HNRNPL: variants seen among roughly 807,000 people sequenced by gnomAD.
HNRNPL encodes the protein heterogeneous nuclear ribonucleoprotein L.
A neutral mutation model predicts 64.0 loss-of-function variants in HNRNPL; 12 were observed. The ratio of observed to expected loss-of-function variants is 0.19; its 90% confidence interval spans 0.12 to 0.30. HNRNPL has a LOEUF of 0.30. Ranked by LOEUF, HNRNPL falls within the 10% of genes least tolerant of loss-of-function variation. The pLI is 1.00. For missense variants in HNRNPL, 484 were observed against 797.4 expected, an observed-to-expected ratio of 0.61 and a Z score of 4.73; for synonymous variants, 385 against 313.0, an observed-to-expected ratio of 1.23 and a Z score of -2.43.
intron 6 of HNRNPL, chr19:38,842,473 CTT>C (rs1237815282): frequency 2.0e-5 from 3 of 152,310 alleles, no homozygotes; most frequent in Non-Finnish European, 2.9e-5. Context: ...TGTTGCGTCT[CTT>C]TCTCTCTTTG....
chr19:38,844,448 G>GA (rs1972219220), intron 4 of HNRNPL, among the ~76,000 whole-genome samples: 1 of 152,090 alleles, frequency 6.6e-6, no homozygotes, highest in Admixed American at 6.6e-5. Flanking sequence ...GCTCTGCCCT[G>GA]AAAGTCCATC....
chr19:38,843,678 C>A, intron 6 of HNRNPL, 164 bp downstream of exon 6: 1 of 626,562 alleles, frequency 1.6e-6, no homozygotes, highest in Non-Finnish European at 2.9e-6. Context: ...GGAGGCCTCT[C>A]ACTCCCCCAT....
intron 1 of HNRNPL, among the ~76,000 whole-genome samples, chr19:38,848,944 G>A (rs1972399348): frequency 6.6e-6 from 1 of 152,192 alleles, no homozygotes; most frequent in Admixed American, 6.5e-5. Context: ...TGGAAAGAGT[G>A]GGGACTGGGC....
At chr19:38,842,170 G>A (rs1254694985) in intron 6 of HNRNPL, 5 of 142,980 alleles carry the variant, frequency 3.5e-5, no homozygotes, top group Non-Finnish European at 6.0e-5. Context: ...GCCGGTGACT[G>A]CAGAAAAAAT....
rs779766750 is a variant in HNRNPL, at chr19:38,840,408, G to A, written c.953-32C>T. On this transcript the variant is annotated intron_variant, in intron 7 of 12. Transcript: ENST00000221419. Reference sequence around the variant, plus strand: ...GGTGGGAAGGAAAGAGAGGGAGGACGGGTGAGAATTTGCACGGCGGGCGGC... The same window carrying A: ...GGTGGGAAGGAAAGAGAGGGAGGACAGGTGAGAATTTGCACGGCGGGCGGC... The A allele has an allele frequency of 4.6e-5, 72 of 1,567,436 alleles. 1 individual carries two copies. In the South Asian group the frequency reaches 7.2e-4, roughly 16 times the overall value.
intron 1 of HNRNPL, among the ~76,000 whole-genome samples, chr19:38,847,890 C>G (rs1379019092): frequency 6.6e-6 from 1 of 152,184 alleles, no homozygotes; most frequent in Non-Finnish European, 1.5e-5. Flanking sequence ...CTTTAACTGG[C>G]TGAGCCACCA....
chr19:38,849,943 C>G lies in HNRNPL; in HGVS notation c.24G>C (p.Arg8=). The G allele has an allele frequency of 7.3e-7, 1 of 1,373,100 alleles. No individual in the cohort carries two copies. Among genetic ancestry groups the G allele is most frequent in the Non-Finnish European group, 9.5e-7 (1 of 1,047,674 alleles). 85.1% of individuals were successfully genotyped at this position (1,373,100 alleles called of 1,614,324 possible). Residue 8 remains arginine (R), a synonymous_variant, in exon 1 of 13, where the codon CGG becomes CGC. Transcript: ENST00000221419. ...CCAGCCGCCGACGCCGCTTCTCCGC[C>G]CGGGGCAGCAGCCTCCGCGACATGG... MSRRLLP[R]AEKRRRRLEQ...
At chr19:38,846,597 C>T (rs977677000) in intron 2 of HNRNPL, among the ~76,000 whole-genome samples, 12 of 152,230 alleles carry the variant, frequency 7.9e-5, no homozygotes, top group Admixed American at 7.2e-4. Context: ...CATGGCAAAA[C>T]CTCACCTCTA....
intron 6 of HNRNPL, chr19:38,840,761 C>A (rs190189566): frequency 1.5e-4 from 88 of 593,786 alleles, no homozygotes; most frequent in Non-Finnish European, 1.7e-4. Flanking sequence ...ACTCTCCTTC[C>A]CCTGCTCATA....
At position 38,845,418 on chromosome 19, in the gene HNRNPL, A is replaced by C. The variant is rs1600063830; in HGVS notation, c.710+232T>G. On this transcript the variant is annotated intron_variant, in intron 4 of 12. Coordinates refer to ENST00000221419, the MANE Select transcript of HNRNPL (RefSeq NM_001533.3). Reference sequence around the variant, plus strand: ...CAGAAAGAAAACAAAAAGAAAAATAAATTCCTTTGTATCTCCCAACACACT... The same window carrying C: ...CAGAAAGAAAACAAAAAGAAAAATACATTCCTTTGTATCTCCCAACACACT... The C allele has an allele frequency of 1.2e-5, 6 of 520,634 alleles. No individual in the cohort carries two copies. In the South Asian group the frequency reaches 1.6e-4, roughly 14 times the overall value. 32.3% of individuals were successfully genotyped at this position (520,634 alleles called of 1,614,324 possible). A position where few individuals can be genotyped will look rare whatever the true frequency, so the allele number is the denominator to read the frequency against.
chr19:38,837,975 T>C (rs968861841), intron 10 of HNRNPL, among the ~76,000 whole-genome samples: 4 of 152,170 alleles, frequency 2.6e-5, no homozygotes, highest in African/African-American at 9.7e-5. Flanking sequence ...TCCACTTGAG[T>C]TCCTCCTCCC....
rs766634973 is a variant in HNRNPL, at chr19:38,845,841, G to T, written c.624+12C>A. 1 of 1,609,452 alleles carries T rather than the reference G, an allele frequency of 6.2e-7. No homozygotes were observed. Among genetic ancestry groups the T allele is most frequent in the Non-Finnish European group, 8.5e-7 (1 of 1,175,704 alleles). ...AAGGGAGACCTCACAAGAAATGCCT[G>T]CTGGCACGTACCGTGGTGATCGAAT... On this transcript the variant is annotated intron_variant, in intron 3 of 12. Transcript: ENST00000221419.
chr19:38,846,658 T>C (rs1187452377), intron 2 of HNRNPL, among the ~76,000 whole-genome samples: 2 of 152,054 alleles, frequency 1.3e-5, no homozygotes, highest in Non-Finnish European at 2.9e-5. Flanking sequence ...CCTGTAATCC[T>C]AGCACTTTGG....
At chr19:38,845,552 C>A (rs1364654743) in intron 4 of HNRNPL, 98 bp downstream of exon 4, 2 of 957,268 alleles carry the variant, frequency 2.1e-6, no homozygotes, top group Admixed American at 3.6e-5. Flanking sequence ...GCAGCCACTC[C>A]CGTGGTCAGC....
At chr19:38,838,647 T>A (rs1972009325) in intron 9 of HNRNPL, 49 bp from the exon 10 acceptor site, 1 of 1,568,038 alleles carries the variant, frequency 6.4e-7, no homozygotes, top group African/African-American at 1.4e-5. Context: ...AAGTTGTCCC[T>A]GAAGCTTTCC....
chr19:38,838,200 T>C (rs1401019567), intron 10 of HNRNPL, among the ~76,000 whole-genome samples, 197 bp downstream of exon 10: 2 of 152,246 alleles, frequency 1.3e-5, no homozygotes. Context: ...TGCTAGAAAC[T>C]TGGTGCCATT....
Position 38,838,409 on chromosome 19 carries a change from C to G in HNRNPL, c.1545G>C (p.Glu515Asp). ...CCACGGCACACACCTCAAAGAAGTT[C>G]TCCTCGGTCACCTCCAGCGGGGCGT... ...FFNAPLEVTEENFFEICDELG... is the reference protein window; with the variant it reads ...FFNAPLEVTEDNFFEICDELG... The change falls in exon 10 of 13, where the codon GAG becomes GAC. Residue 515 changes from glutamate to aspartate, a missense_variant. Physicochemically the swap from Glu to Asp is conservative, Grantham distance 45 (BLOSUM62 2). Around this residue, in one of 9 missense-constraint regions of HNRNPL, gnomAD observed 69 missense variants for 91.8 expected, o/e 0.75. Coordinates refer to ENST00000221419, the MANE Select transcript of HNRNPL (RefSeq NM_001533.3). 1 of 1,610,844 alleles carries G rather than the reference C, an allele frequency of 6.2e-7. No homozygotes were observed. Among genetic ancestry groups the G allele is most frequent in the Non-Finnish European group, 8.5e-7 (1 of 1,177,126 alleles).
chr19:38,848,048 A>G (rs1440825755), intron 1 of HNRNPL, among the ~76,000 whole-genome samples: 2 of 152,164 alleles, frequency 1.3e-5, no homozygotes, highest in Non-Finnish European at 2.9e-5. Context: ...TCTGCTTTGG[A>G]AATTACTGCC....
Position 38,847,482 on chromosome 19 carries a change from G to C in HNRNPL, c.268-48C>G, listed in dbSNP as rs1332410911. The C allele has an allele frequency of 2.5e-6, 3 of 1,206,552 alleles. No homozygotes were observed. In the African/African-American group the frequency reaches 4.7e-5, roughly 19 times the overall value. 74.7% of individuals were successfully genotyped at this position (1,206,552 alleles called of 1,614,324 possible). A position where few individuals can be genotyped will look rare whatever the true frequency, so the allele number is the denominator to read the frequency against. Reference sequence around the variant, plus strand: ...GAATTATTTTCTTGCTGTACAAGATGACGCCCCACTGGCCTCTGTACTGTT... The same window carrying C: ...GAATTATTTTCTTGCTGTACAAGATCACGCCCCACTGGCCTCTGTACTGTT... On this transcript the variant is annotated intron_variant, in intron 1 of 12. Coordinates refer to ENST00000221419, the MANE Select transcript of HNRNPL (RefSeq NM_001533.3).
Sources: allele counts gnomAD v4.1 joint callset (sites outside exome capture counted in the v4.1 genomes callset), GRCh38; gene constraint gnomAD v4.1.1; regional missense constraint gnomAD v4.1.1; transcripts MANE v1.5; gene names NCBI Gene and HGNC (gene_info 2026-07-23, HGNC 2026-07-21).